The following LYST variants were observed in gnomAD, a reference collection of about 807,000 sequenced individuals.
The protein encoded by LYST is lysosomal-trafficking regulator.
LYST carries 192 observed loss-of-function variants against 413.6 expected under a neutral mutation model. That is an observed-to-expected ratio of 0.46 (90% CI 0.41 to 0.52). The LOEUF (loss-of-function observed/expected upper bound fraction) is 0.52, where lower values mean the gene tolerates loss of function less well. Among genes scored for constraint, LYST ranks in the 20% least tolerant of loss-of-function variants. LYST has a pLI of 0.00. For synonymous variants in LYST, 1,525 were observed against 1,567.3 expected (o/e 0.97, Z 0.64); for missense variants, 3,815 against 4,499.9 (o/e 0.85, Z 4.35).
chr1:235,734,672 T>C lies in LYST; in HGVS notation c.8359-13A>G. The C allele has an allele frequency of 6.4e-7, 1 of 1,573,898 alleles. No individual in the cohort carries two copies. The highest frequency in any genetic ancestry group is 8.7e-7 in the Non-Finnish European group (1 of 1,148,852). The stretch of plus-strand genomic sequence containing the variant: ...ACTTGGCTCCATGCTTTAAAAAAAG[T>C]AATAATTTTTTAGTCATTTAGAATT... On this transcript the variant is annotated splice_polypyrimidine_tract_variant and intron_variant, in intron 31 of 52. Transcript: ENST00000389793.
chr1:235,874,577 A>T (rs1681063108), intron 1 of LYST, among the ~76,000 whole-genome samples: 1 of 152,192 alleles, frequency 6.6e-6, no homozygotes, highest in Non-Finnish European at 1.5e-5. Context: ...TCTAAGATAA[A>T]TTTTTTAAAA....
rs144275846 is a variant in LYST at position 235,729,737 on chromosome 1, A to G, written c.9045-80T>C. 1.4e-4 allele frequency: 144 copies of G among 1,022,876 alleles called. No homozygotes were observed. In the East Asian group the frequency reaches 3.2e-3, roughly 22 times the overall value. 63.4% of individuals were successfully genotyped at this position (1,022,876 alleles called of 1,614,324 possible). On this transcript the variant is annotated intron_variant, in intron 36 of 52. Transcript: ENST00000389793. ...AGGATATGCTTTATTTTACCTAGTA[A>G]AAGATTTCTGCAAAGCAGACTAGAT... is the stretch of plus-strand genomic sequence containing the variant.
At chr1:235,857,912 C>T (rs1355231709) in intron 1 of LYST, among the ~76,000 whole-genome samples, 1 of 152,086 alleles carries the variant, frequency 6.6e-6, no homozygotes, top group Non-Finnish European at 1.5e-5. Context: ...CCCAAGATGA[C>T]TTGTAAGTCA....
intron 1 of LYST, among the ~76,000 whole-genome samples, chr1:235,848,582 CA>C (rs1196714429): frequency 6.6e-6 from 1 of 151,724 alleles, no homozygotes; most frequent in African/African-American, 2.4e-5. Flanking sequence ...ATAAATGAAA[CA>C]AAAAGCTGGT....
At chr1:235,834,542 A>C (rs1676347445) in intron 1 of LYST, among the ~76,000 whole-genome samples, 2 of 151,962 alleles carry the variant, frequency 1.3e-5, no homozygotes. Context: ...CTGGCCCAGG[A>C]GTGATCTTTA....
intron 30 of LYST, 79 bp from the exon 31 acceptor site, chr1:235,741,707 G>A (rs976655053): frequency 6.0e-5 from 60 of 996,990 alleles, no homozygotes; most frequent in Non-Finnish European, 8.7e-5. Flanking sequence ...CAGCCCTAAA[G>A]AAGATTATGG....
intron 25 of LYST, 148 bp from the exon 26 acceptor site, chr1:235,753,422 G>T (rs181702989): frequency 3.3e-4 from 202 of 611,812 alleles, no homozygotes; most frequent in African/African-American, 3.3e-3. Context: ...TTTTTAAAAT[G>T]ACAGAGTCCC....
At chr1:235,737,950 G>T in intron 31 of LYST, 1 of 1,240,194 alleles carries the variant, frequency 8.1e-7, no homozygotes, top group East Asian at 3.4e-5. Flanking sequence ...CCCAACACCC[G>T]CCGGACGTGC....
intron 20 of LYST, among the ~76,000 whole-genome samples, chr1:235,767,420 C>A (rs1668250366): frequency 6.6e-6 from 1 of 152,098 alleles, no homozygotes; most frequent in Non-Finnish European, 1.5e-5. Context: ...TCATAGCTGT[C>A]AAGTGGCAAA....
intron 1 of LYST, among the ~76,000 whole-genome samples, chr1:235,844,499 G>A (rs1677567991): frequency 6.6e-6 from 1 of 152,120 alleles, no homozygotes; most frequent in Non-Finnish European, 1.5e-5. Flanking sequence ...GTTTTGGGGG[G>A]TAATTAACTA....
chr1:235,856,194 A>G (rs987774101), intron 1 of LYST, among the ~76,000 whole-genome samples: 2 of 152,328 alleles, frequency 1.3e-5, no homozygotes, highest in Admixed American at 1.3e-4. Context: ...AAAAAGGGTT[A>G]AAGTTAAAGG....
At chr1:235,858,844 G>GCATTGTTATGCAGGGCATAA (rs1679515308) in intron 1 of LYST, among the ~76,000 whole-genome samples, 1 of 152,156 alleles carries the variant, frequency 6.6e-6, no homozygotes, top group African/African-American at 2.4e-5. Context: ...TTTGTTTTCT[G>GCATTGTTATGCAGGGCATAA]CATTGTTATG....
intron 15 of LYST, 145 bp downstream of exon 15, chr1:235,781,782 G>A: frequency 1.5e-6 from 1 of 656,338 alleles, no homozygotes; most frequent in Non-Finnish European, 2.7e-6. Flanking sequence ...ACAAGTAAAG[G>A]AACATAGATG....
intron 46 of LYST, 135 bp from the exon 47 acceptor site, chr1:235,693,621 C>G: frequency 6.6e-6 from 6 of 915,298 alleles, no homozygotes; most frequent in Non-Finnish European, 1.0e-5. Context: ...CTTTAAATCT[C>G]TAAAATGGAA....
At chr1:235,673,567 C>G (rs73124557) in intron 50 of LYST, among the ~76,000 whole-genome samples, 1 of 152,114 alleles carries the variant, frequency 6.6e-6, no homozygotes, top group South Asian at 2.1e-4. Flanking sequence ...CACCGCCCCC[C>G]ACAACTGTCA....
intron 1 of LYST, among the ~76,000 whole-genome samples, chr1:235,845,475 A>G (rs1190758408): frequency 6.6e-6 from 1 of 152,190 alleles, no homozygotes; most frequent in African/African-American, 2.4e-5. Context: ...GAACGCGGTG[A>G]GAAGCCTGCT....
At chr1:235,717,108 T>G (rs1344843661) in intron 40 of LYST, among the ~76,000 whole-genome samples, 1 of 152,202 alleles carries the variant, frequency 6.6e-6, no homozygotes, top group Non-Finnish European at 1.5e-5. Flanking sequence ...GGGAGCAGAT[T>G]CCTAGACCAA....
In LYST at chr1:235,808,964, A is replaced by G. The variant is rs770465715; in HGVS notation, c.1854T>C (p.Leu618=). 5.0e-6 allele frequency: 8 copies of G among 1,613,916 alleles called. No individual in the cohort carries two copies. The South Asian group carries it at 8.8e-5, about 18-fold the overall frequency. ...CTGCTCCTCCTAACTGATCCAAAAT[A>G]AGTTTGTTAAGGATATTCAATATAT... ...QQHILNILNK[L]ILDQLGGAEI... is the part of the protein sequence containing the mutation. The change falls in exon 5 of 53, where the codon CTT becomes CTC. Residue 618 remains leucine (L), a synonymous_variant. Coordinates refer to ENST00000389793, the MANE Select transcript of LYST (RefSeq NM_000081.4).
chr1:235,699,045 A>T (rs940704607), intron 45 of LYST, among the ~76,000 whole-genome samples: 3 of 152,218 alleles, frequency 2.0e-5, no homozygotes, highest in African/African-American at 7.2e-5. Context: ...AATGACACAG[A>T]AAGATACAAG....
Sources: allele counts gnomAD v4.1 joint callset (sites outside exome capture counted in the v4.1 genomes callset), GRCh38; gene constraint gnomAD v4.1.1; transcripts MANE v1.5; gene names NCBI Gene and HGNC (gene_info 2026-07-23, HGNC 2026-07-21).